Variants in EVL observed in about 807,000 individuals in gnomAD.
EVL encodes ena/VASP-like protein.
In EVL, 21 loss-of-function variants were observed where a neutral mutation model predicts 59.6. The ratio of observed to expected loss-of-function variants is 0.35; its 90% confidence interval spans 0.25 to 0.51. EVL has a LOEUF of 0.51. Among genes scored for constraint, EVL ranks in the 20% least tolerant of loss-of-function variants. The pLI is 0.97. For synonymous variants in EVL, 198 were observed against 203.5 expected, an observed-to-expected ratio of 0.97 and a Z score of 0.23; for missense variants, 462 against 546.6, an observed-to-expected ratio of 0.85 and a Z score of 1.54.
At chr14:100,077,156 TG>T (rs936669802) in intron 1 of EVL, among the ~76,000 whole-genome samples, 2 of 151,966 alleles carry the variant, frequency 1.3e-5, no homozygotes, top group African/African-American at 4.8e-5. Context: ...ATTGAAGGGT[TG>T]GGGGTGTGAG....
At chr14:100,081,381 G>A (rs983261622) in intron 1 of EVL, among the ~76,000 whole-genome samples, 1 of 152,048 alleles carries the variant, frequency 6.6e-6, no homozygotes, top group Non-Finnish European at 1.5e-5. Flanking sequence ...ATAAATGTGT[G>A]TATTTTCTTG....
At chr14:100,049,902 T>C (rs2061618804) in intron 1 of EVL, among the ~76,000 whole-genome samples, 1 of 152,196 alleles carries the variant, frequency 6.6e-6, no homozygotes, top group African/African-American at 2.4e-5. Flanking sequence ...AATCAGACAA[T>C]ATGTGACCTT....
chr14:100,025,760 TAAAATACAAAATACA>T (rs1306110336), intron 1 of EVL, among the ~76,000 whole-genome samples: 2 of 151,816 alleles, frequency 1.3e-5, no homozygotes, highest in Non-Finnish European at 2.9e-5. Flanking sequence ...AAACCCCTAC[TAAAATACAAAATACA>T]AAAATACAAA....
At chr14:100,073,641 A>G (rs2062097328) in intron 1 of EVL, among the ~76,000 whole-genome samples, 1 of 152,172 alleles carries the variant, frequency 6.6e-6, no homozygotes, top group Non-Finnish European at 1.5e-5. Flanking sequence ...TTTCAAATAA[A>G]TGCAGGAAGA....
intron 3 of EVL, among the ~76,000 whole-genome samples, chr14:100,103,839 G>A (rs569286842): frequency 2.0e-5 from 3 of 152,308 alleles, no homozygotes; most frequent in South Asian, 2.1e-4. Context: ...TGAGTGTTGA[G>A]TGCATAGATA....
intron 1 of EVL, among the ~76,000 whole-genome samples, chr14:99,976,028 C>T (rs966654441): frequency 8.6e-5 from 13 of 151,692 alleles, no homozygotes; most frequent in Non-Finnish European, 2.9e-5. Context: ...TTTTAAATTT[C>T]TTTTTTGTTT....
Position 100,109,595 on chromosome 14 carries a change from A to G in EVL, c.358+11937A>G. ...ATAGCCTGGCACTTCCTGCCATTGC[A>G]TCCTTCTCTGCAGACTAAGATGGAG... On this transcript the variant is annotated intron_variant, in intron 3 of 13. Coordinates refer to ENST00000392920, the MANE Select transcript of EVL (RefSeq NM_016337.3). This position sits in a 1 kb window ranked among gnomAD's most constrained non-coding sequence, Gnocchi z 4.3. 4.0e-6 allele frequency: 2 copies of G among 494,922 alleles called. No homozygotes were observed. Among genetic ancestry groups the G allele is most frequent in the Non-Finnish European group, 8.4e-6 (2 of 237,658 alleles). The allele number at this position is 494,922 out of a possible 1,614,324, so 30.7% of individuals were successfully genotyped here. A position where few individuals can be genotyped will look rare whatever the true frequency, so the allele number is the denominator to read the frequency against.
intron 1 of EVL, among the ~76,000 whole-genome samples, chr14:100,006,851 T>G (rs141663149): frequency 0.01 from 1,522 of 151,170 alleles, 16 homozygotes; most frequent in Non-Finnish European, 0.014. Flanking sequence ...AAATAAACTT[T>G]AAATCTCATC....
At chr14:100,009,204 A>G (rs897339329) in intron 1 of EVL, among the ~76,000 whole-genome samples, 9 of 152,224 alleles carry the variant, frequency 5.9e-5, no homozygotes, top group African/African-American at 2.2e-4. Context: ...ATGGTCAAGC[A>G]TTGGTACCTA....
At chr14:99,993,215 G>A (rs764259401) in intron 1 of EVL, among the ~76,000 whole-genome samples, 18 of 151,594 alleles carry the variant, frequency 1.2e-4, no homozygotes, top group African/African-American at 1.5e-4. Flanking sequence ...GTGCCACCAC[G>A]CCTGGCTAAT....
intron 1 of EVL, among the ~76,000 whole-genome samples, chr14:99,976,213 T>G (rs1010562551): frequency 8.0e-6 from 1 of 125,328 alleles, no homozygotes. Context: ...TATTTATTTA[T>G]TTATTTATTT....
At chr14:100,115,379 C>T (rs1017477032) in intron 3 of EVL, among the ~76,000 whole-genome samples, 4 of 152,188 alleles carry the variant, frequency 2.6e-5, no homozygotes, top group Admixed American at 6.5e-5. Flanking sequence ...TGCTTCTCGC[C>T]GGTACATGCG....
intron 1 of EVL, among the ~76,000 whole-genome samples, chr14:100,051,681 G>A (rs2061649990): frequency 6.6e-6 from 1 of 152,052 alleles, no homozygotes; most frequent in African/African-American, 2.4e-5. Context: ...TTATGGTATG[G>A]TCATTACTAT....
intron 1 of EVL, among the ~76,000 whole-genome samples, chr14:100,055,014 A>G (rs1474511810): frequency 5.3e-5 from 8 of 152,092 alleles, no homozygotes; most frequent in Non-Finnish European, 4.4e-5. Context: ...CAGCCTGACC[A>G]AAATGGTGAA....
chr14:100,124,015 C>A lies in EVL; in HGVS notation c.422+413C>A, dbSNP rs1314010062. ...TGGGGCTAGGGACCATAGGAATGAA[C>A]CCCCTCACCCCATGGAGCTTCTAAA... On this transcript the variant is annotated intron_variant, in intron 4 of 13. Transcript: ENST00000392920. Among the ~76,000 whole-genome samples, 8 of 152,222 alleles carry A rather than the reference C, an allele frequency of 5.3e-5. No individual in the cohort carries two copies. The East Asian group carries it at 1.5e-3, about 29-fold the overall frequency.
At chr14:100,024,183 T>A (rs2061173021) in intron 1 of EVL, among the ~76,000 whole-genome samples, 1 of 152,240 alleles carries the variant, frequency 6.6e-6, no homozygotes, top group South Asian at 2.1e-4. Flanking sequence ...GGGTTTGAAG[T>A]TCAAACTCTA....
At chr14:100,044,972 G>T (rs12885913) in intron 1 of EVL, among the ~76,000 whole-genome samples, 9,652 of 152,148 alleles carry the variant, frequency 0.063, 371 homozygotes, top group Non-Finnish European at 0.073. Flanking sequence ...AATAAATAAA[G>T]AAATAAATAC....
At chr14:100,012,728 G>GAAAACA (rs1765110578) in intron 1 of EVL, among the ~76,000 whole-genome samples, 1 of 152,140 alleles carries the variant, frequency 6.6e-6, no homozygotes, top group Non-Finnish European at 1.5e-5. Context: ...TTGGCTTATG[G>GAAAACA]TCCTGGTGGT....
chr14:100,075,308 G>A (rs763334589), intron 1 of EVL, among the ~76,000 whole-genome samples: 4 of 152,206 alleles, frequency 2.6e-5, no homozygotes, highest in African/African-American at 4.8e-5. Context: ...GCACTGGAGT[G>A]CCCAGACAGG....
Sources: allele counts gnomAD v4.1 joint callset (sites outside exome capture counted in the v4.1 genomes callset), GRCh38; gene constraint gnomAD v4.1.1; non-coding constraint Gnocchi (gnomAD v3.1); transcripts MANE v1.5; gene names NCBI Gene and HGNC (gene_info 2026-07-23, HGNC 2026-07-21).